ZZZ3: variants seen among roughly 807,000 people sequenced by gnomAD.
ZZZ3 encodes zinc finger ZZ-type containing 3.
ZZZ3 carries 22 observed loss-of-function variants against 95.2 expected under a neutral mutation model. That is an observed-to-expected ratio of 0.23 (90% CI 0.17 to 0.33). The LOEUF (loss-of-function observed/expected upper bound fraction) is 0.33. Ranked by LOEUF, ZZZ3 falls within the 10% of genes least tolerant of loss-of-function variation. The pLI is 1.00. For synonymous variants in ZZZ3, 335 were observed against 358.9 expected (o/e 0.93, Z 0.75); for missense variants, 885 against 1,066.5 (o/e 0.83, Z 2.37).
Position 77,633,228 on chromosome 1 carries a change from A to G in ZZZ3, c.127T>C (p.Ser43Pro). ...IAHPEEISSN[S>P]QVRSRSPKKR... ...TTTGGTGATCTTGATCGTACTTGAG[A>G]ATTAGAAGAGATTTCTTCAGGATGC... The change falls in exon 5 of 15, where the codon TCT (serine) becomes CCT (proline). Residue 43 changes from serine to proline, a missense_variant. By Grantham distance (74) the Ser-to-Pro change is moderately conservative (BLOSUM62 -1). Transcript: ENST00000370801. 1.2e-6 allele frequency: 2 copies of G among 1,614,122 alleles called. No homozygotes were observed. Among genetic ancestry groups the G allele is most frequent in the Non-Finnish European group, 1.7e-6 (2 of 1,179,996 alleles).
intron 8 of ZZZ3, 90 bp from the exon 9 acceptor site, chr1:77,581,159 A>G: frequency 9.7e-7 from 1 of 1,028,768 alleles, no homozygotes; most frequent in South Asian, 1.4e-5. Flanking sequence ...TGGAATTTTT[A>G]AATTAATTTC....
At chr1:77,597,863 T>C (rs1449768963) in intron 5 of ZZZ3, among the ~76,000 whole-genome samples, 3 of 152,152 alleles carry the variant, frequency 2.0e-5, no homozygotes, top group Admixed American at 1.3e-4. Context: ...AACTCAATAA[T>C]GTATAAAGTT....
At chr1:77,607,370 A>G (rs1665339729) in intron 5 of ZZZ3, among the ~76,000 whole-genome samples, 1 of 152,226 alleles carries the variant, frequency 6.6e-6, no homozygotes, top group Non-Finnish European at 1.5e-5. Context: ...GATTATTACA[A>G]TTCAAGGTGA....
rs1281424219 is a variant in ZZZ3, at chr1:77,562,942, G to A, written c.*2698C>T. 6.6e-6 allele frequency: 1 copy of A among 152,184 alleles called. No individual in the cohort carries two copies. Among genetic ancestry groups the A allele is most frequent in the African/African-American group, 2.4e-5 (1 of 41,424 alleles). 9.4% of individuals were successfully genotyped at this position (152,184 alleles called of 1,614,324 possible). On this transcript the variant is annotated 3_prime_UTR_variant, in exon 15 of 15. Transcript: ENST00000370801. ...CCACTTTACTAACTATACGACCTTG[G>A]GCAGGTTAATTAACTTCTCTCTGGC...
In ZZZ3 at chr1:77,617,821, T is replaced by C. The variant is rs541546804; in HGVS notation, c.1505+14029A>G. Among the ~76,000 whole-genome samples the C allele has an allele frequency of 1.9e-4, 29 of 150,322 alleles. No individual in the cohort carries two copies. In the South Asian group the frequency reaches 6.1e-3, roughly 32 times the overall value. ...TTAGCCAGGCGTGGTGACAAGCACCTGTAGTCTCAGCTACTTGGGAGGCTG... is the reference window on the plus strand; with the variant it reads ...TTAGCCAGGCGTGGTGACAAGCACCCGTAGTCTCAGCTACTTGGGAGGCTG... On this transcript the variant is annotated intron_variant, in intron 5 of 14. Coordinates refer to ENST00000370801, the MANE Select transcript of ZZZ3 (RefSeq NM_015534.6).
chr1:77,682,756 A>T (rs1672910957), upstream of ZZZ3: 1 of 152,202 alleles, frequency 6.6e-6, no homozygotes. Flanking sequence ...AAAAATCAGT[A>T]TTTCGGAACT....
Position 77,673,056 on chromosome 1 carries a change from A to G in ZZZ3, c.-403+9529T>C, listed in dbSNP as rs144356272. ...TACACGTCACTCTTAATCATGACCA[A>G]AATACCTAATTTCAACAACTATTGG... On this transcript the variant is annotated intron_variant, in intron 1 of 14. Transcript: ENST00000370801. Among the ~76,000 whole-genome samples the G allele has an allele frequency of 1.5e-3, 223 of 152,364 alleles. 2 individuals carry two copies. Among genetic ancestry groups the G allele is most frequent in the African/African-American group, 5.1e-3 (213 of 41,588 alleles).
At chr1:77,607,285 A>G (rs1171558775) in intron 5 of ZZZ3, among the ~76,000 whole-genome samples, 1 of 152,192 alleles carries the variant, frequency 6.6e-6, no homozygotes, top group Non-Finnish European at 1.5e-5. Flanking sequence ...GAGACTTACT[A>G]CTACAAGAAT....
chr1:77,632,180 G>A lies in ZZZ3; in HGVS notation c.1175C>T (p.Pro392Leu), dbSNP rs985190272. ...PRRAAPTRGS[P>L]TKNSSPYREN... ...TCTGTAAGGAGAACTGTTTTTAGTG[G>A]GACTACCTCTGGTAGGGGCTGCCCT... The change falls in exon 5 of 15, where the codon CCC becomes CTC. Residue 392 changes from proline to leucine, a missense_variant. Around this residue, in one of 5 missense-constraint regions of ZZZ3, gnomAD observed 556 missense variants for 652.9 expected, o/e 0.85. Transcript: ENST00000370801. The A allele has an allele frequency of 1.9e-6, 3 of 1,613,832 alleles. No homozygotes were observed. The highest frequency in any genetic ancestry group is 2.5e-6 in the Non-Finnish European group (3 of 1,179,976).
chr1:77,633,401 G>C lies in ZZZ3; in HGVS notation c.-47C>G, dbSNP rs997754977. ...ACGGTCATCATGATCCACTCATTGG[G>C]AAACCTTCAAAAATGTAAACAAAAT... On this transcript the variant is annotated 5_prime_UTR_variant, in exon 5 of 15. Coordinates refer to ENST00000370801, the MANE Select transcript of ZZZ3 (RefSeq NM_015534.6). 1 of 1,522,404 alleles carries C rather than the reference G, an allele frequency of 6.6e-7. No homozygotes were observed. The highest frequency in any genetic ancestry group is 8.8e-7 in the Non-Finnish European group (1 of 1,138,562). The allele number at this position is 1,522,404 out of a possible 1,614,324, so 94.3% of individuals were successfully genotyped here. A position where few individuals can be genotyped will look rare whatever the true frequency, so the allele number is the denominator to read the frequency against.
chr1:77,625,100 A>G (rs1667222333), intron 5 of ZZZ3, among the ~76,000 whole-genome samples: 1 of 152,222 alleles, frequency 6.6e-6, no homozygotes, highest in Non-Finnish European at 1.5e-5. Flanking sequence ...ACACTTCTAT[A>G]AAAAATTACC....
chr1:77,673,023 G>C (rs1014591683), intron 1 of ZZZ3, among the ~76,000 whole-genome samples: 1 of 152,108 alleles, frequency 6.6e-6, no homozygotes, highest in African/African-American at 2.4e-5. Flanking sequence ...GTACAGGACT[G>C]CTAAGTATAC....
At chr1:77,596,119 T>C (rs1043342785) in intron 5 of ZZZ3, among the ~76,000 whole-genome samples, 1 of 152,054 alleles carries the variant, frequency 6.6e-6, no homozygotes, top group African/African-American at 2.4e-5. Flanking sequence ...GAAACAGATA[T>C]TGAATGACTG....
intron 1 of ZZZ3, among the ~76,000 whole-genome samples, chr1:77,678,790 T>C (rs1281551990): frequency 6.6e-6 from 1 of 152,214 alleles, no homozygotes; most frequent in East Asian, 1.9e-4. Context: ...TGGCTTATTA[T>C]ACTTGGTTGC....
Position 77,568,447 on chromosome 1 carries a change from A to T in ZZZ3, c.2351T>A (p.Ile784Asn). Reference sequence around the variant, plus strand: ...ATATTCAGGTAAATTCCTATACATGATAGGAATACTTTCGTCATCCTATCA... The same window carrying T: ...ATATTCAGGTAAATTCCTATACATGTTAGGAATACTTTCGTCATCCTATCA... ...EDASDDESIPIMYRNLPEYKE... is the reference protein window; with the variant it reads ...EDASDDESIPNMYRNLPEYKE... Residue 784 changes from isoleucine (I) to asparagine (N), a missense_variant, in exon 13 of 15, where the codon ATC becomes AAC. Physicochemically the swap from Ile to Asn is moderately radical, Grantham distance 149. Transcript: ENST00000370801. 1 of 1,216,798 alleles carries T rather than the reference A, an allele frequency of 8.2e-7. No homozygotes were observed. Among genetic ancestry groups the T allele is most frequent in the Non-Finnish European group, 1.1e-6 (1 of 872,904 alleles). 75.4% of individuals were successfully genotyped at this position (1,216,798 alleles called of 1,614,324 possible).
intron 11 of ZZZ3, 32 bp downstream of exon 11, chr1:77,578,742 T>C: frequency 2.4e-6 from 3 of 1,244,340 alleles, no homozygotes; most frequent in Non-Finnish European, 3.3e-6. Flanking sequence ...ATAAATTTAA[T>C]CTACAGTTTA....
intron 1 of ZZZ3, among the ~76,000 whole-genome samples, chr1:77,662,787 T>C (rs1385304763): frequency 6.6e-6 from 1 of 151,868 alleles, no homozygotes; most frequent in Non-Finnish European, 1.5e-5. Flanking sequence ...TGAGACCCTG[T>C]CTCAAAAAAC....
chr1:77,595,748 G>A (rs1570458012), intron 5 of ZZZ3, among the ~76,000 whole-genome samples: 1 of 151,970 alleles, frequency 6.6e-6, no homozygotes, highest in Non-Finnish European at 1.5e-5. Context: ...ATAAATTGGA[G>A]AGAGATGAAA....
chr1:77,576,610 G>T (rs1422010706), intron 11 of ZZZ3, among the ~76,000 whole-genome samples: 1 of 152,062 alleles, frequency 6.6e-6, no homozygotes. Context: ...AAAAGTAAAA[G>T]GAAAATTTCT....
Sources: gnomAD v4.1 joint callset for allele counts (sites outside exome capture counted in the v4.1 genomes callset) on GRCh38, gnomAD v4.1.1 for gene constraint, gnomAD v4.1.1 regional missense constraint, MANE v1.5 for transcripts, NCBI Gene and HGNC (gene_info 2026-07-23, HGNC 2026-07-21) for gene names.